Variants in GPC5 observed in about 807,000 individuals in gnomAD.
GPC5 encodes glypican 5.
In GPC5, 47 loss-of-function variants were observed where a neutral mutation model predicts 53.9. That is an observed-to-expected ratio of 0.87 (90% CI 0.69 to 1.11). The LOEUF (loss-of-function observed/expected upper bound fraction) is 1.11, where lower values mean the gene tolerates loss of function less well. Among genes scored for constraint, GPC5 ranks in the 50% most tolerant of loss-of-function variants. The probability of loss-of-function intolerance (pLI) is 0.00; values close to 1 mark genes in which losing one functional copy is unlikely to be tolerated. For missense variants in GPC5, 748 were observed against 713.1 expected (o/e 1.05, Z -0.56); for synonymous variants, 286 against 263.3 (o/e 1.09, Z -0.84).
intron 7 of GPC5, among the ~76,000 whole-genome samples, chr13:92,463,457 C>T (rs1478152625): frequency 6.6e-6 from 1 of 152,160 alleles, no homozygotes; most frequent in Admixed American, 6.5e-5. Context: ...TCAGATCTCT[C>T]CCATTTCTGA....
intron 7 of GPC5, among the ~76,000 whole-genome samples, chr13:92,691,130 G>T (rs1887371502): frequency 1.0e-5 from 1 of 98,706 alleles, no homozygotes; most frequent in Non-Finnish European, 1.9e-5. Context: ...GTTTACCTAA[G>T]CAAGCCTGGG....
intron 2 of GPC5, among the ~76,000 whole-genome samples, chr13:91,525,072 A>T (rs1316889463): frequency 6.6e-6 from 1 of 152,182 alleles, no homozygotes; most frequent in Non-Finnish European, 1.5e-5. Context: ...TTATAGACAC[A>T]ATGTCCTCTT....
At chr13:91,504,412 A>T (rs1884824137) in intron 2 of GPC5, among the ~76,000 whole-genome samples, 1 of 152,128 alleles carries the variant, frequency 6.6e-6, no homozygotes, top group South Asian at 2.1e-4. Context: ...AATATTTTGG[A>T]TAAATATATT....
chr13:92,274,743 A>G (rs2042863658), intron 7 of GPC5, among the ~76,000 whole-genome samples: 1 of 152,152 alleles, frequency 6.6e-6, no homozygotes, highest in South Asian at 2.1e-4. Flanking sequence ...ATCAAAGCGT[A>G]TGGGCTGAGG....
chr13:92,295,355 G>GT (rs1358619417), intron 7 of GPC5, among the ~76,000 whole-genome samples: 2 of 152,046 alleles, frequency 1.3e-5, no homozygotes, highest in South Asian at 2.1e-4. Context: ...TTGATTTCCA[G>GT]TTTTTTTCCA....
chr13:91,545,344 G>A (rs1052612104), intron 2 of GPC5, among the ~76,000 whole-genome samples: 1 of 152,148 alleles, frequency 6.6e-6, no homozygotes, highest in Non-Finnish European at 1.5e-5. Context: ...GCTTTTGGAT[G>A]TGGACTGTGA....
At chr13:92,031,321 G>A (rs1023247375) in intron 6 of GPC5, among the ~76,000 whole-genome samples, 4 of 152,022 alleles carry the variant, frequency 2.6e-5, no homozygotes, top group South Asian at 2.1e-4. Context: ...CACCTTTGAG[G>A]TCCAGACTGG....
intron 5 of GPC5, among the ~76,000 whole-genome samples, chr13:91,785,826 G>A (rs1417262670): frequency 6.6e-6 from 1 of 152,140 alleles, no homozygotes; most frequent in East Asian, 1.9e-4. Context: ...TCACCCTGAT[G>A]TGATACACTA....
At chr13:92,417,605 G>C (rs368226228) in intron 7 of GPC5, among the ~76,000 whole-genome samples, 3 of 152,250 alleles carry the variant, frequency 2.0e-5, no homozygotes, top group East Asian at 3.9e-4. Flanking sequence ...TGGTGTGGTG[G>C]CTCATGGTTG....
At chr13:91,959,031 C>T (rs1037328150) in intron 6 of GPC5, among the ~76,000 whole-genome samples, 2 of 145,002 alleles carry the variant, frequency 1.4e-5, no homozygotes, top group African/African-American at 2.5e-5. Context: ...AACAAAGATC[C>T]GAGCAGAACC....
At chr13:92,156,855 T>C (rs564093914) in intron 7 of GPC5, among the ~76,000 whole-genome samples, 4 of 152,172 alleles carry the variant, frequency 2.6e-5, no homozygotes, top group African/African-American at 9.6e-5. Context: ...ATTGTAATTA[T>C]ATAGAATTAC....
chr13:92,057,125 T>C (rs781178897), intron 6 of GPC5, among the ~76,000 whole-genome samples: 1 of 152,152 alleles, frequency 6.6e-6, no homozygotes, highest in African/African-American at 2.4e-5. Flanking sequence ...ATGATGCCAA[T>C]TGATTCCATA....
In GPC5 at chr13:92,082,959, C is replaced by T. The variant is rs548588674; in HGVS notation, c.1402-61871C>T. 4.6e-5 allele frequency among the ~76,000 whole-genome samples: 7 copies of T among 152,140 alleles called. No individual in the cohort carries two copies. In the South Asian group the frequency reaches 8.3e-4, roughly 18 times the overall value. ...ATTCAGAAGAAATATATTTTTCATA[C>T]GTATTCTGAAATCAGTGGCTGAAAC... On this transcript the variant is annotated intron_variant, in intron 6 of 7. Transcript: ENST00000377067.
chr13:92,034,164 A>T (rs1380977910), intron 6 of GPC5, among the ~76,000 whole-genome samples: 5 of 152,194 alleles, frequency 3.3e-5, no homozygotes, highest in African/African-American at 1.2e-4. Flanking sequence ...ATAATTTAAT[A>T]TGGCAAACTA....
chr13:91,831,716 T>C (rs7995950), intron 5 of GPC5, among the ~76,000 whole-genome samples: 70,756 of 151,694 alleles, frequency 0.47, 17,316 homozygotes, highest in East Asian at 0.86. Flanking sequence ...ACTAAAAATA[T>C]ATTAATTAAA....
intron 7 of GPC5, among the ~76,000 whole-genome samples, chr13:92,277,347 A>G (rs1253510164): frequency 2.0e-5 from 3 of 152,018 alleles, no homozygotes; most frequent in East Asian, 3.9e-4. Context: ...TCTTCGTTTT[A>G]TGTACATTCT....
chr13:92,819,400 A>G (rs1280505361), intron 7 of GPC5, among the ~76,000 whole-genome samples: 1 of 152,236 alleles, frequency 6.6e-6, no homozygotes, highest in East Asian at 1.9e-4. Context: ...AAACAAAAGG[A>G]AAATAAGTTT....
chr13:92,278,101 T>A (rs2042888738), intron 7 of GPC5, among the ~76,000 whole-genome samples: 1 of 151,848 alleles, frequency 6.6e-6, no homozygotes, highest in Non-Finnish European at 1.5e-5. Context: ...CAAATATTAG[T>A]TTTAATTTTT....
chr13:91,967,447 A>C (rs926518534), intron 6 of GPC5, among the ~76,000 whole-genome samples: 7 of 152,166 alleles, frequency 4.6e-5, no homozygotes, highest in African/African-American at 1.7e-4. Flanking sequence ...AAAACTGTAA[A>C]AATCATTAGA....
Sources: allele counts gnomAD v4.1 joint callset (sites outside exome capture counted in the v4.1 genomes callset), GRCh38; gene constraint gnomAD v4.1.1; transcripts MANE v1.5; gene names NCBI Gene and HGNC (gene_info 2026-07-23, HGNC 2026-07-21).